The following CTIF variants were observed in gnomAD, a reference collection of about 807,000 sequenced individuals.
The protein encoded by CTIF is cap binding complex dependent translation initiation factor.
A neutral mutation model predicts 66.0 loss-of-function variants in CTIF; 21 were observed. The ratio of observed to expected loss-of-function variants is 0.32; its 90% CI spans 0.23 to 0.46. CTIF has a LOEUF of 0.46. Ranked by LOEUF, CTIF falls within the 20% of genes least tolerant of loss-of-function variation. The pLI is 1.00. For missense variants in CTIF, 739 were observed against 812.7 expected, an observed-to-expected ratio of 0.91 and a Z score of 1.10; for synonymous variants, 345 against 326.4, an observed-to-expected ratio of 1.06 and a Z score of -0.62.
intron 3 of CTIF, among the ~76,000 whole-genome samples, chr18:48,655,469 T>C (rs2091232465): frequency 6.6e-6 from 1 of 152,040 alleles, no homozygotes. Flanking sequence ...GTCCATGAAG[T>C]GAGAGAACCG....
At chr18:48,660,294 G>C (rs1386593352) in intron 3 of CTIF, among the ~76,000 whole-genome samples, 1 of 151,822 alleles carries the variant, frequency 6.6e-6, no homozygotes, top group African/African-American at 2.4e-5. Flanking sequence ...TCTTGGAGGA[G>C]CACTGGTTGC....
chr18:48,677,015 G>C (rs1213801955), intron 6 of CTIF, among the ~76,000 whole-genome samples: 1 of 152,092 alleles, frequency 6.6e-6, no homozygotes, highest in Non-Finnish European at 1.5e-5. Context: ...CCGGGGCCGC[G>C]GCTGGGGCTG....
At chr18:48,548,559 G>T (rs1599123306) in intron 1 of CTIF, among the ~76,000 whole-genome samples, 1 of 152,216 alleles carries the variant, frequency 6.6e-6, no homozygotes, top group Non-Finnish European at 1.5e-5. Context: ...GGGTAATAAA[G>T]AGCATGCGTT....
chr18:48,676,094 C>G (rs1300358808), intron 6 of CTIF, among the ~76,000 whole-genome samples: 1 of 151,996 alleles, frequency 6.6e-6, no homozygotes, highest in African/African-American at 2.4e-5. Flanking sequence ...TGTGTGAAGT[C>G]GGCGCGACCA....
At chr18:48,633,798 A>C (rs536325662) in intron 2 of CTIF, among the ~76,000 whole-genome samples, 1 of 152,340 alleles carries the variant, frequency 6.6e-6, no homozygotes, top group South Asian at 2.1e-4. Context: ...GAATACATAC[A>C]TATTAGTTTT....
chr18:48,759,486 G>A (rs1158193716), intron 8 of CTIF, among the ~76,000 whole-genome samples: 1 of 152,186 alleles, frequency 6.6e-6, no homozygotes, highest in Non-Finnish European at 1.5e-5. Flanking sequence ...TCTCCACCGA[G>A]TCCTCTAGAG....
chr18:48,771,108 G>C (rs1396980947), intron 9 of CTIF, among the ~76,000 whole-genome samples: 2 of 152,176 alleles, frequency 1.3e-5, no homozygotes, highest in Non-Finnish European at 2.9e-5. Flanking sequence ...CTTCCTCCTA[G>C]TCAAATCTGC....
chr18:48,575,918 T>C (rs2089521269), intron 1 of CTIF, among the ~76,000 whole-genome samples: 1 of 152,276 alleles, frequency 6.6e-6, no homozygotes, highest in African/African-American at 2.4e-5. Context: ...CTTTGCTGAC[T>C]CTAACTCTTG....
Position 48,757,955 on chromosome 18 carries a change from A to G in CTIF, c.621A>G (p.Gln207=). The G allele has an allele frequency of 2.5e-6, 4 of 1,613,772 alleles. No individual in the cohort carries two copies. Among genetic ancestry groups the G allele is most frequent in the Non-Finnish European group, 3.4e-6 (4 of 1,179,864 alleles). Reference sequence around the variant, plus strand: ...GACCTCCGGGGGGCAACAAGCCCCAACAGCATGGTGACCACCAGCCAGGCA... The same window carrying G: ...GACCTCCGGGGGGCAACAAGCCCCAGCAGCATGGTGACCACCAGCCAGGCA... ...QQRPPGGNKP[Q]QHGDHQPGSA... Residue 207 remains glutamine (Q), a synonymous_variant, in exon 8 of 12, where the codon CAA becomes CAG. Transcript: ENST00000256413.
chr18:48,606,564 T>A (rs890262055), intron 1 of CTIF, among the ~76,000 whole-genome samples: 3 of 152,214 alleles, frequency 2.0e-5, no homozygotes, highest in Non-Finnish European at 2.9e-5. Flanking sequence ...TCGGACTCCC[T>A]GGAGAGTACA....
In CTIF at chr18:48,651,652, A is replaced by G. The variant is rs561007623; in HGVS notation, c.253-12100A>G. On this transcript the variant is annotated intron_variant, in intron 3 of 11. Transcript: ENST00000256413. Reference sequence around the variant, plus strand: ...CTACAGAACTCGCCACCCCAAGTCAACAGAATATACATTCTTCTCAGCACC... The same window carrying G: ...CTACAGAACTCGCCACCCCAAGTCAGCAGAATATACATTCTTCTCAGCACC... 3.3e-5 allele frequency among the ~76,000 whole-genome samples: 5 copies of G among 152,358 alleles called. No homozygotes were observed. In the East Asian group the frequency reaches 5.8e-4, roughly 18 times the overall value.
At chr18:48,741,838 G>A (rs2092557631) in intron 7 of CTIF, among the ~76,000 whole-genome samples, 1 of 152,228 alleles carries the variant, frequency 6.6e-6, no homozygotes, top group South Asian at 2.1e-4. Context: ...CTTCCCTTGG[G>A]CCACACTCAG....
At chr18:48,773,693 C>A (rs1189241747) in intron 9 of CTIF, among the ~76,000 whole-genome samples, 1 of 152,216 alleles carries the variant, frequency 6.6e-6, no homozygotes, top group African/African-American at 2.4e-5. Context: ...CTGTGGGCCG[C>A]TGATAGGAAG....
intron 1 of CTIF, among the ~76,000 whole-genome samples, chr18:48,600,306 G>A (rs1401412702): frequency 6.6e-6 from 1 of 152,186 alleles, no homozygotes; most frequent in Non-Finnish European, 1.5e-5. Flanking sequence ...TGAAGGTCAT[G>A]TGGCGGTGGC....
chr18:48,664,346 C>G, intron 4 of CTIF, 101 bp from the exon 5 acceptor site: 5 of 1,064,720 alleles, frequency 4.7e-6, no homozygotes, highest in Non-Finnish European at 7.1e-6. Flanking sequence ...CGGCTCCTTT[C>G]TGCGGATCTG....
chr18:48,761,178 T>C lies in CTIF; in HGVS notation c.1072-212T>C. The C allele has an allele frequency of 1.8e-6, 1 of 564,868 alleles. No individual in the cohort carries two copies. Among genetic ancestry groups the C allele is most frequent in the East Asian group, 2.9e-5 (1 of 34,976 alleles). The allele number at this position is 564,868 out of a possible 1,614,324, so 35.0% of individuals were successfully genotyped here. On this transcript the variant is annotated intron_variant, in intron 8 of 11. Transcript: ENST00000256413. The surrounding 1 kb of genome is among the most constrained non-coding windows in gnomAD (Gnocchi z 4.2). ...TAGAACCCAAAAACAGTATCAGCCC[T>C]GGATGTCATAGGGGCCAAGAAAAAA...
At chr18:48,753,768 G>A (rs183995650) in intron 7 of CTIF, among the ~76,000 whole-genome samples, 1 of 152,302 alleles carries the variant, frequency 6.6e-6, no homozygotes, top group African/African-American at 2.4e-5. Context: ...CTGCAAAACT[G>A]GGTGTCCAGT....
chr18:48,649,115 C>T (rs999165812), intron 3 of CTIF, among the ~76,000 whole-genome samples: 1 of 152,142 alleles, frequency 6.6e-6, no homozygotes, highest in Admixed American at 6.5e-5. Context: ...GGACAGTGGA[C>T]GCAGCCCACA....
chr18:48,582,129 G>A (rs888433487), intron 1 of CTIF, among the ~76,000 whole-genome samples: 1 of 152,074 alleles, frequency 6.6e-6, no homozygotes, highest in African/African-American at 2.4e-5. Context: ...TGGGTACCCT[G>A]AGAGTGTGGT....
Sources: gnomAD v4.1 joint callset for allele counts (sites outside exome capture counted in the v4.1 genomes callset) on GRCh38, gnomAD v4.1.1 for gene constraint, Gnocchi (gnomAD v3.1) non-coding constraint, MANE v1.5 for transcripts, NCBI Gene and HGNC (gene_info 2026-07-23, HGNC 2026-07-21) for gene names.